The following PDE4D variants were observed in gnomAD, a reference collection of about 807,000 sequenced individuals.
The protein encoded by PDE4D is phosphodiesterase 4D.
A neutral mutation model predicts 87.4 loss-of-function variants in PDE4D; 24 were observed. That is an observed-to-expected ratio of 0.27 (90% CI 0.20 to 0.39). PDE4D has a LOEUF of 0.39. PDE4D is among the 10% of genes least tolerant of loss of function. PDE4D has a pLI of 1.00. For missense variants in PDE4D, 714 were observed against 1,041.0 expected (o/e 0.69, Z 4.32); for synonymous variants, 384 against 383.2 (o/e 1.00, Z -0.02).
At chr5:60,206,306 G>C (rs1324644605) in intron 1 of PDE4D, among the ~76,000 whole-genome samples, 1 of 152,134 alleles carries the variant, frequency 6.6e-6, no homozygotes, top group African/African-American at 2.4e-5. Context: ...TATCCTCAAG[G>C]AAACAGCACA....
At chr5:59,200,271 A>G (rs1425488987) in intron 2 of PDE4D, among the ~76,000 whole-genome samples, 1 of 126,652 alleles carries the variant, frequency 7.9e-6, no homozygotes, top group South Asian at 2.3e-4. Context: ...ACATATGTGT[A>G]TGTACAGCTA....
At chr5:59,592,814 A>C (rs1826094689) in intron 1 of PDE4D, among the ~76,000 whole-genome samples, 1 of 152,098 alleles carries the variant, frequency 6.6e-6, no homozygotes, top group Non-Finnish European at 1.5e-5. Flanking sequence ...TCAAATGTGT[A>C]TACCATCTTG....
intron 1 of PDE4D, among the ~76,000 whole-genome samples, chr5:59,709,306 AC>A (rs1252371342): frequency 3.9e-5 from 6 of 151,958 alleles, no homozygotes; most frequent in African/African-American, 1.4e-4. Flanking sequence ...AAAGAATCGC[AC>A]CCCCTTAGCT....
intron 1 of PDE4D, among the ~76,000 whole-genome samples, chr5:59,371,403 T>C (rs977531565): frequency 1.3e-5 from 2 of 152,210 alleles, no homozygotes; most frequent in Non-Finnish European, 2.9e-5. Context: ...AGAGACAATG[T>C]CGTGAACTTT....
At chr5:60,450,219 T>C (rs921864932) in intron 1 of PDE4D, among the ~76,000 whole-genome samples, 1 of 152,084 alleles carries the variant, frequency 6.6e-6, no homozygotes, top group African/African-American at 2.4e-5. Flanking sequence ...ATATGATTGG[T>C]GGGGATTCAA....
At chr5:59,393,909 T>C (rs1788757162) in intron 1 of PDE4D, among the ~76,000 whole-genome samples, 1 of 152,224 alleles carries the variant, frequency 6.6e-6, no homozygotes, top group Non-Finnish European at 1.5e-5. Context: ...AAGATAAATG[T>C]GATAAAAGTT....
At chr5:60,359,376 C>G (rs891342890) in intron 1 of PDE4D, among the ~76,000 whole-genome samples, 2 of 152,088 alleles carry the variant, frequency 1.3e-5, no homozygotes, top group African/African-American at 4.8e-5. Flanking sequence ...CCACTGCACT[C>G]CAGCCTAGGT....
chr5:59,331,416 A>T (rs1055799326), intron 1 of PDE4D, among the ~76,000 whole-genome samples: 2 of 152,064 alleles, frequency 1.3e-5, no homozygotes, highest in African/African-American at 4.8e-5. Flanking sequence ...TCCTTTTCTT[A>T]TAAAGACACC....
chr5:59,115,665 G>A (rs1205100606), intron 5 of PDE4D, among the ~76,000 whole-genome samples: 2 of 152,190 alleles, frequency 1.3e-5, no homozygotes, highest in African/African-American at 4.8e-5. Flanking sequence ...TGTTCTAGAA[G>A]AAAGGGGACA....
chr5:59,543,162 CAG>C (rs1463366578), intron 1 of PDE4D, among the ~76,000 whole-genome samples: 1 of 152,116 alleles, frequency 6.6e-6, no homozygotes, highest in Non-Finnish European at 1.5e-5. Flanking sequence ...TGAAACGACA[CAG>C]AAATAAATTA....
At chr5:60,033,660 A>C (rs1237900951) in intron 2 of PDE4D, among the ~76,000 whole-genome samples, 1 of 152,194 alleles carries the variant, frequency 6.6e-6, no homozygotes, top group Non-Finnish European at 1.5e-5. Flanking sequence ...GCTTTTGTTG[A>C]CACCCTAAGG....
chr5:60,086,256 A>C (rs1774522700), intron 2 of PDE4D, among the ~76,000 whole-genome samples: 1 of 152,216 alleles, frequency 6.6e-6, no homozygotes, highest in Admixed American at 6.5e-5. Context: ...AATATATGGA[A>C]GCTTTATTTT....
intron 5 of PDE4D, among the ~76,000 whole-genome samples, chr5:59,169,904 G>A (rs35406293): frequency 0.14 from 20,559 of 152,158 alleles, 1,529 homozygotes; most frequent in South Asian, 0.16. Context: ...TTGTTCTCAG[G>A]AAGCCCTTGG....
At chr5:60,045,293 T>G (rs1769077252) in intron 2 of PDE4D, among the ~76,000 whole-genome samples, 2 of 152,112 alleles carry the variant, frequency 1.3e-5, no homozygotes, top group African/African-American at 2.4e-5. Flanking sequence ...TTGTGAAAAT[T>G]TTCTCCCATT....
In PDE4D at chr5:59,771,478, A is replaced by AGAGAGAG. The variant is rs879905597; in HGVS notation, c.455+121689_455+121690insCTCTCTC. On this transcript the variant is annotated intron_variant, in intron 1 of 14. Transcript: ENST00000340635. ...GAAAGAAAGAAAGAAAGAAAGAAAG[A>AGAGAGAG]AAGAAAGAGAGAGAGAGAGAGAAGA... 4.6e-3 allele frequency among the ~76,000 whole-genome samples: 468 copies of AGAGAGAG among 102,606 alleles called. 1 individual carries two copies. Among genetic ancestry groups the AGAGAGAG allele is most frequent in the African/African-American group, 7.5e-3 (187 of 24,868 alleles). The allele number at this position is 102,606 out of a possible 152,430, so 67.3% of individuals were successfully genotyped here.
intron 2 of PDE4D, among the ~76,000 whole-genome samples, chr5:60,044,852 T>C (rs1238953256): frequency 6.6e-6 from 1 of 152,168 alleles, no homozygotes; most frequent in Non-Finnish European, 1.5e-5. Flanking sequence ...TATAGCAGCA[T>C]GATTTATAGT....
chr5:60,135,724 G>GA (rs1304265837), intron 2 of PDE4D, among the ~76,000 whole-genome samples: 1 of 152,142 alleles, frequency 6.6e-6, no homozygotes, highest in Non-Finnish European at 1.5e-5. Flanking sequence ...GTCAGGGGAT[G>GA]AAAGTAAAAA....
In PDE4D at chr5:59,946,143, G is replaced by C. The variant is rs538880867; in HGVS notation, c.272+42345C>G. On this transcript the variant is annotated intron_variant, in intron 3 of 16. Transcript: ENST00000502484. ...TGTAGATGGTCCCATACTGGGCTTG[G>C]GGGCAGTATTCTGGTTTAAAATACT... Among the ~76,000 whole-genome samples, 9 of 152,234 alleles carry C rather than the reference G, an allele frequency of 5.9e-5. No individual in the cohort carries two copies. In the South Asian group the frequency reaches 1.9e-3, roughly 32 times the overall value.
At chr5:59,768,336 G>T in intron 1 of PDE4D, 1 of 1,598,334 alleles carries the variant, frequency 6.3e-7, no homozygotes, top group Non-Finnish European at 8.5e-7. Context: ...TTCTCGGAGA[G>T]ATCACTGGAG....
Sources: gnomAD v4.1 joint callset for allele counts (sites outside exome capture counted in the v4.1 genomes callset) on GRCh38, gnomAD v4.1.1 for gene constraint, MANE v1.5 for transcripts, NCBI Gene and HGNC (gene_info 2026-07-23, HGNC 2026-07-21) for gene names.